TBC1D1: variants seen among roughly 807,000 people sequenced by gnomAD.
TBC1D1 encodes TBC1 (tre-2/USP6, BUB2, cdc16) domain family, member 1.
In TBC1D1, 89 loss-of-function variants were observed where a neutral mutation model predicts 125.6. The ratio of observed to expected loss-of-function variants is 0.71; its 90% CI spans 0.60 to 0.85. The LOEUF is 0.85. Among genes scored for constraint, TBC1D1 ranks in the 40% least tolerant of loss-of-function variants. TBC1D1 has a pLI of 0.00. For missense variants in TBC1D1, 1,377 were observed against 1,469.2 expected (o/e 0.94, Z 1.03); for synonymous variants, 565 against 564.1 (o/e 1.00, Z -0.02).
At chr4:38,009,421 AAAAC>A (rs143509154) in intron 2 of TBC1D1, among the ~76,000 whole-genome samples, 2,534 of 152,360 alleles carry the variant, frequency 0.017, 31 homozygotes, top group Non-Finnish European at 0.027. Flanking sequence ...TGTTGACAGA[AAAAC>A]AAAGCAGCAA....
chr4:38,036,363 T>C lies in TBC1D1; in HGVS notation c.1413+665T>C, dbSNP rs1747205503. Among the ~76,000 whole-genome samples, 3 of 152,214 alleles carry C rather than the reference T, an allele frequency of 2.0e-5. No homozygotes were observed. In the South Asian group the frequency reaches 6.2e-4, roughly 32 times the overall value. On this transcript the variant is annotated intron_variant, in intron 8 of 19. Coordinates refer to ENST00000261439, the MANE Select transcript of TBC1D1 (RefSeq NM_015173.4). ...TACCACAGACCATTTCCTTTGTCTT[T>C]TGGACTCCATGTGAGTCCATTCATA...
At chr4:38,092,435 A>G (rs908429543) in intron 13 of TBC1D1, among the ~76,000 whole-genome samples, 1 of 152,180 alleles carries the variant, frequency 6.6e-6, no homozygotes, top group African/African-American at 2.4e-5. Flanking sequence ...ATTAATACAA[A>G]TATGATAATT....
chr4:38,015,004 C>T (rs748366257), intron 3 of TBC1D1, 31 bp downstream of exon 3: 112 of 1,500,022 alleles, frequency 7.5e-5, no homozygotes, highest in Non-Finnish European at 9.7e-5. Context: ...TGCACAGCCC[C>T]AGTCTGCCAT....
chr4:38,114,445 T>G (rs1181032670), intron 15 of TBC1D1, among the ~76,000 whole-genome samples: 1 of 152,234 alleles, frequency 6.6e-6, no homozygotes, highest in Non-Finnish European at 1.5e-5. Flanking sequence ...TGAAAATATG[T>G]TCCTCCCTGT....
intron 2 of TBC1D1, among the ~76,000 whole-genome samples, chr4:37,989,727 G>A (rs1736170584): frequency 6.6e-6 from 1 of 152,212 alleles, no homozygotes; most frequent in Non-Finnish European, 1.5e-5. Flanking sequence ...GAAAATGGGG[G>A]AGAGAGGAGG....
intron 2 of TBC1D1, among the ~76,000 whole-genome samples, chr4:37,991,278 C>A (rs189787876): frequency 1.2e-3 from 182 of 152,268 alleles, no homozygotes; most frequent in African/African-American, 4.1e-3. Context: ...TCAAAAACAT[C>A]ATTTTTATTC....
chr4:38,099,370 G>A (rs751169585), intron 14 of TBC1D1, among the ~76,000 whole-genome samples: 6 of 152,054 alleles, frequency 3.9e-5, no homozygotes, highest in East Asian at 1.9e-4. Flanking sequence ...TTCCATGTGC[G>A]TATACATGGA....
At chr4:37,994,181 A>AC (rs1737258524) in intron 2 of TBC1D1, among the ~76,000 whole-genome samples, 3 of 152,204 alleles carry the variant, frequency 2.0e-5, no homozygotes, top group Non-Finnish European at 4.4e-5. Context: ...TGGTGCTCGA[A>AC]ACTTTTTAAG....
intron 14 of TBC1D1, among the ~76,000 whole-genome samples, chr4:38,102,064 A>G (rs1201996680): frequency 8.0e-6 from 1 of 125,518 alleles, no homozygotes; most frequent in African/African-American, 3.1e-5. Flanking sequence ...GGACACAGGA[A>G]GGGGAACATC....
intron 15 of TBC1D1, among the ~76,000 whole-genome samples, chr4:38,111,197 C>CT (rs1465130208): frequency 6.6e-6 from 1 of 152,202 alleles, no homozygotes; most frequent in African/African-American, 2.4e-5. Context: ...CCAGGAAATG[C>CT]TTTTAATCCC....
At chr4:37,988,515 A>G (rs1431160963) in intron 2 of TBC1D1, among the ~76,000 whole-genome samples, 2 of 152,218 alleles carry the variant, frequency 1.3e-5, no homozygotes, top group Non-Finnish European at 2.9e-5. Flanking sequence ...CGATTTATCC[A>G]CATAACACAC....
intron 8 of TBC1D1, among the ~76,000 whole-genome samples, chr4:38,038,399 G>A (rs1238784250): frequency 6.6e-6 from 1 of 152,116 alleles, no homozygotes; most frequent in African/African-American, 2.4e-5. Flanking sequence ...TAAAGACTTT[G>A]TTAATTTGCT....
At chr4:38,099,630 A>G (rs1229017896) in intron 14 of TBC1D1, among the ~76,000 whole-genome samples, 1 of 152,132 alleles carries the variant, frequency 6.6e-6, no homozygotes, top group African/African-American at 2.4e-5. Flanking sequence ...GTGAGTGTAT[A>G]TTATTTTTTA....
chr4:38,065,644 CTTTT>C (rs11447003), intron 12 of TBC1D1, among the ~76,000 whole-genome samples: 1 of 119,668 alleles, frequency 8.4e-6, no homozygotes, highest in Non-Finnish European at 1.7e-5. Context: ...GTATTACCGC[CTTTT>C]TTTTTTTTTT....
chr4:38,018,822 A>C (rs1743376181), intron 4 of TBC1D1, among the ~76,000 whole-genome samples: 1 of 152,072 alleles, frequency 6.6e-6, no homozygotes, highest in Non-Finnish European at 1.5e-5. Flanking sequence ...ACTTTACAAA[A>C]ATTTGTAACT....
At chr4:38,051,974 T>TA in intron 11 of TBC1D1, 1 of 1,550,878 alleles carries the variant, frequency 6.4e-7, no homozygotes, top group Non-Finnish European at 8.7e-7. Context: ...CACCTCGTCT[T>TA]AACCCCTCCG....
At chr4:37,955,866 G>A (rs1728830252) in intron 2 of TBC1D1, among the ~76,000 whole-genome samples, 1 of 152,042 alleles carries the variant, frequency 6.6e-6, no homozygotes, top group Non-Finnish European at 1.5e-5. Flanking sequence ...GCTGGCCGTG[G>A]TGTCTCACGC....
At chr4:37,913,639 ATG>A (rs150050860) in intron 2 of TBC1D1, among the ~76,000 whole-genome samples, 2,574 of 150,472 alleles carry the variant, frequency 0.017, 74 homozygotes, top group African/African-American at 0.059. Flanking sequence ...ATATATATAT[ATG>A]TGTGTGTGTG....
chr4:37,986,011 T>C (rs1735367481), intron 2 of TBC1D1, among the ~76,000 whole-genome samples: 1 of 152,262 alleles, frequency 6.6e-6, no homozygotes, highest in African/African-American at 2.4e-5. Context: ...ACTGTTTGCC[T>C]TGTTTTTGAG....
Sources: gnomAD v4.1 joint callset for allele counts (sites outside exome capture counted in the v4.1 genomes callset) on GRCh38, gnomAD v4.1.1 for gene constraint, MANE v1.5 for transcripts, NCBI Gene and HGNC (gene_info 2026-07-23, HGNC 2026-07-21) for gene names.